CCDC178: variants seen among roughly 807,000 people sequenced by gnomAD.
CCDC178 encodes the protein coiled-coil domain-containing protein 178.
A neutral mutation model predicts 117.4 loss-of-function variants in CCDC178; 126 were observed. That is an observed-to-expected ratio of 1.07 (90% confidence interval 0.93 to 1.24). CCDC178 has a LOEUF of 1.24. Ranked by LOEUF, CCDC178 falls within the 50% of genes most tolerant of loss-of-function variation. The pLI is 0.00. For synonymous variants in CCDC178, 283 were observed against 313.4 expected (o/e 0.90, Z 1.02); for missense variants, 1,030 against 986.9 (o/e 1.04, Z -0.59).
At chr18:33,255,684 C>A (rs1028706596) in intron 14 of CCDC178, among the ~76,000 whole-genome samples, 10 of 151,736 alleles carry the variant, frequency 6.6e-5, no homozygotes, top group African/African-American at 2.4e-4. Context: ...TAGAGAATGT[C>A]AAGTGAGATT....
chr18:33,034,686 A>G (rs759783735), intron 21 of CCDC178, among the ~76,000 whole-genome samples: 1 of 152,010 alleles, frequency 6.6e-6, no homozygotes, highest in African/African-American at 2.4e-5. Context: ...GTACACAATG[A>G]TTTCACAGTA....
At chr18:33,427,328 C>T (rs1323969770) in intron 2 of CCDC178, among the ~76,000 whole-genome samples, 1 of 151,980 alleles carries the variant, frequency 6.6e-6, no homozygotes, top group African/African-American at 2.4e-5. Flanking sequence ...TAAATCATGC[C>T]TTGAGAATTG....
At chr18:33,388,035 T>C (rs1410121827) in intron 5 of CCDC178, among the ~76,000 whole-genome samples, 4 of 151,480 alleles carry the variant, frequency 2.6e-5, no homozygotes, top group African/African-American at 9.7e-5. Context: ...AACAACCCCA[T>C]TAAAAAAATG....
chr18:33,419,911 CTTCT>C (rs1274075635), intron 2 of CCDC178, among the ~76,000 whole-genome samples: 1 of 151,554 alleles, frequency 6.6e-6, no homozygotes, highest in East Asian at 1.9e-4. Context: ...TCTTTCTTTC[CTTCT>C]TTTTTTTTTT....
intron 21 of CCDC178, among the ~76,000 whole-genome samples, chr18:33,073,603 T>A (rs929338386): frequency 6.6e-6 from 1 of 152,066 alleles, no homozygotes; most frequent in East Asian, 1.9e-4. Flanking sequence ...AATTTCTAGA[T>A]GTAGGAATGC....
rs567351753 is a variant in CCDC178 at position 32,945,354 on chromosome 18, A to G, written c.2524-7263T>C. Among the ~76,000 whole-genome samples, 81 of 152,328 alleles carry G rather than the reference A, an allele frequency of 5.3e-4. 1 individual carries two copies. The highest frequency in any genetic ancestry group is 6.5e-4 in the African/African-American group (27 of 41,586). ...CCAAGTTTGAAACTTTAAGTTGTCA[A>G]TTATTTGTCTGATTTACTTTAGATT... On this transcript the variant is annotated intron_variant, in intron 22 of 22. Coordinates refer to ENST00000383096, the MANE Select transcript of CCDC178 (RefSeq NM_001105528.4).
At chr18:33,329,982 A>T (rs1163658200) in intron 10 of CCDC178, among the ~76,000 whole-genome samples, 3 of 67,230 alleles carry the variant, frequency 4.5e-5, no homozygotes, top group Admixed American at 4.1e-4. Context: ...TGGAGTGGGG[A>T]GGTGGTTAAT....
chr18:32,979,149 T>G (rs1243520614), intron 21 of CCDC178, among the ~76,000 whole-genome samples: 1 of 151,810 alleles, frequency 6.6e-6, no homozygotes, highest in Non-Finnish European at 1.5e-5. Context: ...ATATCTGCAC[T>G]GAAAAATTAA....
chr18:33,421,001 AG>A (rs2064017340), intron 2 of CCDC178, among the ~76,000 whole-genome samples: 1 of 152,192 alleles, frequency 6.6e-6, no homozygotes, highest in African/African-American at 2.4e-5. Context: ...CAACCAGAGA[AG>A]CAATTAGAGG....
At chr18:33,071,601 T>C (rs1157017800) in intron 21 of CCDC178, among the ~76,000 whole-genome samples, 2 of 152,104 alleles carry the variant, frequency 1.3e-5, no homozygotes, top group East Asian at 3.9e-4. Flanking sequence ...AAAATGGTAG[T>C]GAAATCCATC....
chr18:33,250,854 C>T (rs2059612388), intron 14 of CCDC178, among the ~76,000 whole-genome samples: 1 of 151,402 alleles, frequency 6.6e-6, no homozygotes, highest in South Asian at 2.1e-4. Flanking sequence ...TAGCTACAAA[C>T]AAAATTGTGA....
At chr18:33,040,643 G>C (rs751823012) in intron 21 of CCDC178, among the ~76,000 whole-genome samples, 6 of 151,874 alleles carry the variant, frequency 4.0e-5, no homozygotes, top group Non-Finnish European at 8.8e-5. Flanking sequence ...AGGAAGGAAA[G>C]AAAATCAGTA....
At chr18:33,400,066 T>A (rs570184021) in intron 3 of CCDC178, among the ~76,000 whole-genome samples, 26 of 152,010 alleles carry the variant, frequency 1.7e-4, no homozygotes, top group Non-Finnish European at 8.8e-5. Context: ...TGGATGTATA[T>A]GTTGTCAGTG....
intron 20 of CCDC178, among the ~76,000 whole-genome samples, chr18:33,211,070 T>C (rs2059102252): frequency 1.3e-5 from 2 of 151,710 alleles, no homozygotes; most frequent in African/African-American, 4.8e-5. Context: ...ATTGATATAA[T>C]AATTGAATAT....
chr18:33,143,943 T>C lies in CCDC178; in HGVS notation c.2239-51033A>G, dbSNP rs117756872. 2.8e-4 allele frequency among the ~76,000 whole-genome samples: 42 copies of C among 152,220 alleles called. 1 individual carries two copies. The East Asian group carries it at 7.5e-3, about 27-fold the overall frequency. ...CTTAGAAATGCTTCTGAGCCAGTTT[T>C]ACTCATTAAAATAAATATCAATGAC... On this transcript the variant is annotated intron_variant, in intron 20 of 22. Coordinates refer to ENST00000383096, the MANE Select transcript of CCDC178 (RefSeq NM_001105528.4).
At chr18:33,063,238 T>C (rs2056957488) in intron 21 of CCDC178, among the ~76,000 whole-genome samples, 1 of 152,086 alleles carries the variant, frequency 6.6e-6, no homozygotes. Context: ...ATACCTGCAC[T>C]TGAGTATGTG....
intron 20 of CCDC178, among the ~76,000 whole-genome samples, chr18:33,188,985 T>A (rs1451754554): frequency 2.0e-5 from 3 of 152,168 alleles, no homozygotes; most frequent in African/African-American, 4.8e-5. Context: ...TTTGGAATCC[T>A]GATGACAGTG....
chr18:33,417,721 TG>T (rs2063965729), intron 2 of CCDC178, among the ~76,000 whole-genome samples: 4 of 152,190 alleles, frequency 2.6e-5, no homozygotes, highest in Admixed American at 2.6e-4. Context: ...AGGACTTTCC[TG>T]TGTATTTCTA....
intron 21 of CCDC178, among the ~76,000 whole-genome samples, chr18:33,004,623 C>T (rs2055712470): frequency 6.6e-6 from 1 of 151,922 alleles, no homozygotes; most frequent in African/African-American, 2.4e-5. Flanking sequence ...CAAATGGGGT[C>T]GCATAAAGTT....
Sources: allele counts gnomAD v4.1 joint callset (sites outside exome capture counted in the v4.1 genomes callset), GRCh38; gene constraint gnomAD v4.1.1; transcripts MANE v1.5; gene names NCBI Gene and HGNC (gene_info 2026-07-23, HGNC 2026-07-21).